The following SHANK2 variants were observed in gnomAD, a reference collection of about 807,000 sequenced individuals.
SHANK2 encodes the protein SH3 and multiple ankyrin repeat domains protein 2.
SHANK2 carries 43 observed loss-of-function variants against 133.7 expected under a neutral mutation model. The ratio of observed to expected loss-of-function variants is 0.32; its 90% CI spans 0.25 to 0.41. The LOEUF is 0.41. Ranked by LOEUF, SHANK2 falls within the 10% of genes least tolerant of loss-of-function variation. SHANK2 has a pLI of 1.00. For synonymous variants in SHANK2, 1,017 were observed against 952.8 expected, an observed-to-expected ratio of 1.07 and a Z score of -1.24; for missense variants, 1,994 against 2,235.8, an observed-to-expected ratio of 0.89 and a Z score of 2.18.
At chr11:70,941,434 T>C (rs1950645875) in intron 10 of SHANK2, among the ~76,000 whole-genome samples, 2 of 152,230 alleles carry the variant, frequency 1.3e-5, no homozygotes. Context: ...TTAATACTCC[T>C]GACCTGAAAC....
chr11:71,159,971 G>GAAAA (rs34199845), intron 2 of SHANK2, among the ~76,000 whole-genome samples: 1 of 114,084 alleles, frequency 8.8e-6, no homozygotes. Context: ...TGGGTGGCAG[G>GAAAA]AAAAAAAAAA....
rs1392720405 is a variant in SHANK2, at chr11:70,663,642, C to T, written c.1854-1964G>A. Among the ~76,000 whole-genome samples the T allele has an allele frequency of 2.0e-5, 3 of 152,164 alleles. No homozygotes were observed. In the East Asian group the frequency reaches 5.8e-4, roughly 29 times the overall value. On this transcript the variant is annotated intron_variant, in intron 15 of 25. Transcript: ENST00000601538. Reference sequence around the variant, plus strand: ...GACTGGTCACTCCCGTTGTCAGCAGCTGGGAGGGGGGTTCTGGCCCCTGAC... The same window carrying T: ...GACTGGTCACTCCCGTTGTCAGCAGTTGGGAGGGGGGTTCTGGCCCCTGAC...
At chr11:70,951,318 T>A (rs528484167) in intron 10 of SHANK2, among the ~76,000 whole-genome samples, 3 of 151,366 alleles carry the variant, frequency 2.0e-5, no homozygotes, top group African/African-American at 7.3e-5. Context: ...TAAATTCATT[T>A]CCCCTGGCTG....
At chr11:70,856,001 G>A (rs1182977913) in intron 11 of SHANK2, among the ~76,000 whole-genome samples, 2 of 152,062 alleles carry the variant, frequency 1.3e-5, no homozygotes, top group Non-Finnish European at 2.9e-5. Flanking sequence ...ATAGATGGAT[G>A]GATGGAAAGA....
rs535816079 is a variant in SHANK2, at chr11:70,798,574, G to T, written c.1664-18C>A. 46 of 718,536 alleles carry T rather than the reference G, an allele frequency of 6.4e-5. No homozygotes were observed. The South Asian group carries it at 6.7e-4, about 10-fold the overall frequency. The allele number at this position is 718,536 out of a possible 1,614,324, so 44.5% of individuals were successfully genotyped here. A position where few individuals can be genotyped will look rare whatever the true frequency, so the allele number is the denominator to read the frequency against. On this transcript the variant is annotated intron_variant, in intron 13 of 25. Coordinates refer to ENST00000601538, the MANE Select transcript of SHANK2 (RefSeq NM_012309.5). ...GCTCAGAACTAGAGACGACAAAAAGGGAGAGGTGTTAGCAGGGGGGACGTG... is the reference window on the plus strand; with the variant it reads ...GCTCAGAACTAGAGACGACAAAAAGTGAGAGGTGTTAGCAGGGGGGACGTG...
intron 14 of SHANK2, among the ~76,000 whole-genome samples, chr11:70,699,144 G>A (rs112303199): frequency 7.2e-5 from 11 of 152,094 alleles, no homozygotes; most frequent in South Asian, 2.1e-4. Flanking sequence ...TTCTGCCGTG[G>A]TGCTGCTGAG....
At chr11:70,618,289 G>T (rs1420844206) in intron 17 of SHANK2, among the ~76,000 whole-genome samples, 1 of 143,242 alleles carries the variant, frequency 7.0e-6, no homozygotes, top group Non-Finnish European at 1.5e-5. Context: ...GTTAAGACTC[G>T]GTCTCAGAAA....
intron 15 of SHANK2, chr11:70,662,114 C>T: frequency 2.5e-6 from 1 of 396,726 alleles, no homozygotes; most frequent in East Asian, 5.5e-5. Flanking sequence ...CGACCACACG[C>T]ATCTTCCAGG....
chr11:70,766,968 G>A (rs956179681), intron 14 of SHANK2, among the ~76,000 whole-genome samples: 2 of 152,206 alleles, frequency 1.3e-5, no homozygotes, highest in Admixed American at 6.5e-5. Context: ...CTAGCTGTCC[G>A]GGAGATGTGA....
chr11:70,644,061 C>T (rs2061226318), intron 17 of SHANK2, among the ~76,000 whole-genome samples: 1 of 152,182 alleles, frequency 6.6e-6, no homozygotes, highest in African/African-American at 2.4e-5. Context: ...GCTAAGGAAA[C>T]ATGCTGGGAC....
intron 2 of SHANK2, among the ~76,000 whole-genome samples, chr11:71,179,050 G>T (rs550719446): frequency 6.6e-5 from 10 of 152,040 alleles, no homozygotes; most frequent in Non-Finnish European, 1.0e-4. Context: ...AAAATTGGAG[G>T]ATTATATTTT....
At chr11:71,124,158 ATGATAGCGATGATGG>A (rs1555102123) in intron 3 of SHANK2, among the ~76,000 whole-genome samples, 18 of 145,494 alleles carry the variant, frequency 1.2e-4, no homozygotes, top group African/African-American at 4.7e-4. Context: ...TGATGGTATT[ATGATAGCGATGATGG>A]TGATGGTGAT....
chr11:70,676,163 G>A (rs1198155745), intron 15 of SHANK2, among the ~76,000 whole-genome samples: 3 of 152,242 alleles, frequency 2.0e-5, no homozygotes, highest in Non-Finnish European at 4.4e-5. Flanking sequence ...AGGGGACTAA[G>A]TCTTCTTTCT....
intron 9 of SHANK2, among the ~76,000 whole-genome samples, chr11:71,061,033 G>C (rs1409780594): frequency 6.6e-6 from 1 of 152,184 alleles, no homozygotes; most frequent in East Asian, 1.9e-4. Context: ...TCATTTCTGG[G>C]GTACAATTAA....
chr11:71,189,760 G>A (rs781789438), intron 2 of SHANK2, among the ~76,000 whole-genome samples: 3 of 152,232 alleles, frequency 2.0e-5, no homozygotes, highest in Non-Finnish European at 2.9e-5. Flanking sequence ...AGGCCAGCAG[G>A]TCTCAGGGAC....
At chr11:70,559,321 A>G (rs560695958) in intron 17 of SHANK2, among the ~76,000 whole-genome samples, 1 of 152,312 alleles carries the variant, frequency 6.6e-6, no homozygotes, top group South Asian at 2.1e-4. Context: ...CACCCGGCCC[A>G]TAGACCCTAT....
intron 10 of SHANK2, among the ~76,000 whole-genome samples, chr11:70,912,927 A>G (rs1950217450): frequency 6.6e-6 from 1 of 152,166 alleles, no homozygotes; most frequent in South Asian, 2.1e-4. Flanking sequence ...ACAGGAACAA[A>G]AATTGACCAC....
At chr11:70,625,026 C>T (rs1355566662) in intron 17 of SHANK2, among the ~76,000 whole-genome samples, 1 of 152,184 alleles carries the variant, frequency 6.6e-6, no homozygotes, top group Non-Finnish European at 1.5e-5. Context: ...TCCAAGACCA[C>T]CCTCAGGTTT....
chr11:70,662,724 C>T (rs1565224635), intron 15 of SHANK2, among the ~76,000 whole-genome samples: 1 of 152,010 alleles, frequency 6.6e-6, no homozygotes, highest in Non-Finnish European at 1.5e-5. Flanking sequence ...AAAAAAGCTC[C>T]AACTTTGCTC....
Sources: gnomAD v4.1 joint callset for allele counts (sites outside exome capture counted in the v4.1 genomes callset) on GRCh38, gnomAD v4.1.1 for gene constraint, MANE v1.5 for transcripts, NCBI Gene and HGNC (gene_info 2026-07-23, HGNC 2026-07-21) for gene names.